Variants in HFM1 observed in about 807,000 individuals in gnomAD.
HFM1 encodes the protein probable ATP-dependent DNA helicase HFM1.
Under a neutral mutation model 192.1 loss-of-function variants are expected in HFM1, and 169 were observed. The ratio of observed to expected loss-of-function variants is 0.88; its 90% CI spans 0.78 to 1.00. The LOEUF is 1.00. HFM1 is among the 50% of genes least tolerant of loss of function. The pLI is 0.00. For missense variants in HFM1, 1,661 were observed against 1,668.0 expected (o/e 1.00, Z 0.07); for synonymous variants, 525 against 537.8 (o/e 0.98, Z 0.33).
At chr1:91,357,510 G>C (rs1468458385) in intron 13 of HFM1, among the ~76,000 whole-genome samples, 1 of 151,948 alleles carries the variant, frequency 6.6e-6, no homozygotes, top group Non-Finnish European at 1.5e-5. Context: ...TAATCAATGG[G>C]GAACAACTGA....
intron 30 of HFM1, among the ~76,000 whole-genome samples, chr1:91,300,479 A>C (rs900949127): frequency 2.0e-5 from 3 of 151,796 alleles, no homozygotes; most frequent in East Asian, 1.9e-4. Flanking sequence ...GAGACACAAC[A>C]AAAAAAGAGA....
intron 20 of HFM1, among the ~76,000 whole-genome samples, chr1:91,339,748 C>T (rs530272429): frequency 8.6e-5 from 13 of 151,938 alleles, no homozygotes; most frequent in Admixed American, 3.3e-4. Context: ...CAGTTCAAAA[C>T]ATTTCCCTGA....
At chr1:91,356,029 G>C (rs80064488) in intron 13 of HFM1, among the ~76,000 whole-genome samples, 4 of 152,046 alleles carry the variant, frequency 2.6e-5, no homozygotes, top group Non-Finnish European at 5.9e-5. Context: ...ATCATATGTA[G>C]TATCATTTCT....
chr1:91,329,334 C>T (rs538063996), intron 20 of HFM1: 130 of 1,604,452 alleles, frequency 8.1e-5, no homozygotes, highest in African/African-American at 6.8e-4. Context: ...CTCTGAGGAG[C>T]GAATCCACAG....
intron 20 of HFM1, among the ~76,000 whole-genome samples, chr1:91,336,200 G>T (rs1654548709): frequency 6.9e-6 from 1 of 145,578 alleles, no homozygotes; most frequent in African/African-American, 2.6e-5. Context: ...CTCCTTGCAG[G>T]CTAAGATCTA....
At chr1:91,369,627 C>A (rs542115394) in intron 13 of HFM1, among the ~76,000 whole-genome samples, 1 of 152,006 alleles carries the variant, frequency 6.6e-6, no homozygotes, top group East Asian at 1.9e-4. Context: ...TAAATGCCCA[C>A]AAGAGAAAGC....
chr1:91,264,359 G>GTTTTTTTTTTTTTT lies in HFM1; in HGVS notation c.3974+1657_3974+1658insAAAAAAAAAAAAAA, dbSNP rs1466938761. Among the ~76,000 whole-genome samples, 8 of 54,072 alleles carry GTTTTTTTTTTTTTT rather than the reference G, an allele frequency of 1.5e-4. 1 individual carries two copies. The highest frequency in any genetic ancestry group is 3.9e-4 in the African/African-American group (5 of 12,784). The allele number at this position is 54,072 out of a possible 152,430, so 35.5% of individuals were successfully genotyped here. A position where few individuals can be genotyped will look rare whatever the true frequency, so the allele number is the denominator to read the frequency against. ...AATTCCAAGGGATACCACAAATTTA[G>GTTTTTTTTTTTTTT]TATTTTTTTTTTTTTTTTTTTTTTT... On this transcript the variant is annotated intron_variant, in intron 36 of 38. Coordinates refer to ENST00000370425, the MANE Select transcript of HFM1 (RefSeq NM_001017975.6).
At chr1:91,380,828 A>C (rs1237853317) in intron 7 of HFM1, 84 bp downstream of exon 7, 1 of 726,506 alleles carries the variant, frequency 1.4e-6, no homozygotes, top group Non-Finnish European at 2.5e-6. Flanking sequence ...AGACATAAAG[A>C]TCTAGTAAAT....
intron 30 of HFM1, among the ~76,000 whole-genome samples, chr1:91,285,164 G>A (rs1043579836): frequency 6.6e-6 from 1 of 152,068 alleles, no homozygotes; most frequent in South Asian, 2.1e-4. Flanking sequence ...TGAGCCCATC[G>A]AACCTCATTT....
At position 91,375,439 on chromosome 1, in the gene HFM1, G is replaced by A. The variant is rs2101965573; in HGVS notation, c.1604C>T (p.Ala535Val). 6.2e-7 allele frequency: 1 copy of A among 1,612,644 alleles called. No individual in the cohort carries two copies. Among genetic ancestry groups the A allele is most frequent in the East Asian group, 2.2e-5 (1 of 44,838 alleles). Residue 535 changes from alanine to valine, a missense_variant, in exon 13 of 39, where the codon GCA becomes GTA. Transcript: ENST00000370425. ...AGCCTGTTGCACACCCTTCCTTGTT[G>A]CACAAAACTGAAAATAAATTCATAA... ...SDQKPTLVFC[A>V]TRKGVQQAAS... is the part of the protein sequence containing the mutation.
At chr1:91,396,242 T>C (rs1482278069) in intron 3 of HFM1, 51 bp downstream of exon 3, 2 of 830,314 alleles carry the variant, frequency 2.4e-6, no homozygotes, top group Non-Finnish European at 1.9e-6. Flanking sequence ...TAAAAAAATA[T>C]TGCCATGAAC....
chr1:91,382,195 T>C (rs1661629532), intron 6 of HFM1, among the ~76,000 whole-genome samples: 1 of 152,194 alleles, frequency 6.6e-6, no homozygotes, highest in African/African-American at 2.4e-5. Context: ...TGCTTAAATC[T>C]GACCTTCTCA....
chr1:91,380,988 A>T lies in HFM1; in HGVS notation c.803-6T>A. 4.5e-6 allele frequency: 6 copies of T among 1,329,156 alleles called. No homozygotes were observed. Among genetic ancestry groups the T allele is most frequent in the Non-Finnish European group, 6.5e-6 (6 of 924,746 alleles). The allele number at this position is 1,329,156 out of a possible 1,614,324, so 82.3% of individuals were successfully genotyped here. A position where few individuals can be genotyped will look rare whatever the true frequency, so the allele number is the denominator to read the frequency against. Reference sequence around the variant, plus strand: ...AATACTTCTAAATTTTGCCGCTTACAATAACATTAAGGAGTCAAATATTTC... The same window carrying T: ...AATACTTCTAAATTTTGCCGCTTACTATAACATTAAGGAGTCAAATATTTC... On this transcript the variant is annotated splice_polypyrimidine_tract_variant and splice_region_variant and intron_variant, in intron 6 of 38. Coordinates refer to ENST00000370425, the MANE Select transcript of HFM1 (RefSeq NM_001017975.6).
chr1:91,279,324 T>C (rs1308879248), intron 30 of HFM1, among the ~76,000 whole-genome samples: 1 of 152,198 alleles, frequency 6.6e-6, no homozygotes, highest in African/African-American at 2.4e-5. Context: ...CTTTAAACTT[T>C]GTAAAGTGTG....
chr1:91,324,681 TG>T lies in HFM1; in HGVS notation c.2420del (p.Ser807Ter). 7.2e-7 allele frequency: 1 copy of T among 1,387,866 alleles called. No homozygotes were observed. The highest frequency in any genetic ancestry group is 1.0e-6 in the Non-Finnish European group (1 of 975,846). 86.0% of individuals were successfully genotyped at this position (1,387,866 alleles called of 1,614,324 possible). On this transcript the variant is annotated frameshift_variant, in exon 21 of 39. Coordinates refer to ENST00000370425, the MANE Select transcript of HFM1 (RefSeq NM_001017975.6). LOFTEE classifies it high-confidence loss of function. ...CTAGTGAAAATTAATTTACCAGATC[TG>T]ATAAGGTTTCTTTTCCACTGATTGT... ...FYTISGKETLSDLVTLIAGCK... is the reference protein window; with the variant it reads ...FYTISGKETLXDLVTLIAGCK...
chr1:91,364,359 A>G (rs887365335), intron 13 of HFM1, among the ~76,000 whole-genome samples: 2 of 151,924 alleles, frequency 1.3e-5, no homozygotes, highest in Non-Finnish European at 2.9e-5. Flanking sequence ...AGATTGGTAC[A>G]GCCATTATGG....
At chr1:91,352,735 A>C in intron 15 of HFM1, 84 bp from the exon 16 acceptor site, 2 of 1,052,616 alleles carry the variant, frequency 1.9e-6, no homozygotes, top group Non-Finnish European at 2.7e-6. Flanking sequence ...CATTCTTATA[A>C]ATGTAATAAA....
In HFM1 at chr1:91,267,166, C is replaced by G. The variant is rs189513218; in HGVS notation, c.3883+579G>C. Reference sequence around the variant, plus strand: ...GTTTTAGTGAAATAGAGTAAATTTGCCTTTCACTCAAAGAGCTAATAAGCC... The same window carrying G: ...GTTTTAGTGAAATAGAGTAAATTTGGCTTTCACTCAAAGAGCTAATAAGCC... On this transcript the variant is annotated intron_variant, in intron 35 of 38. Coordinates refer to ENST00000370425, the MANE Select transcript of HFM1 (RefSeq NM_001017975.6). 2.0e-5 allele frequency among the ~76,000 whole-genome samples: 3 copies of G among 152,098 alleles called. No homozygotes were observed. The East Asian group carries it at 5.8e-4, about 29-fold the overall frequency.
intron 20 of HFM1, among the ~76,000 whole-genome samples, chr1:91,332,152 G>C (rs537130229): frequency 7.2e-5 from 11 of 152,166 alleles, no homozygotes; most frequent in Non-Finnish European, 1.5e-4. Context: ...GCCAAAGCTA[G>C]TCTAAGCAAA....
Sources: gnomAD v4.1 joint callset for allele counts (sites outside exome capture counted in the v4.1 genomes callset) on GRCh38, gnomAD v4.1.1 for gene constraint, MANE v1.5 for transcripts, NCBI Gene and HGNC (gene_info 2026-07-23, HGNC 2026-07-21) for gene names.